Variants in G2E3 observed in about 807,000 individuals in gnomAD.
G2E3 encodes G2/M phase-specific E3 ubiquitin-protein ligase.
G2E3 carries 35 observed loss-of-function variants against 92.8 expected under a neutral mutation model. That is an observed-to-expected ratio of 0.38 (90% CI 0.29 to 0.50). The LOEUF is 0.50. Among genes scored for constraint, G2E3 ranks in the 20% least tolerant of loss-of-function variants. The pLI is 0.94. For missense variants in G2E3, 554 were observed against 823.8 expected, an observed-to-expected ratio of 0.67 and a Z score of 4.01; for synonymous variants, 242 against 272.4, an observed-to-expected ratio of 0.89 and a Z score of 1.10.
intron 1 of G2E3, among the ~76,000 whole-genome samples, chr14:30,562,765 A>G (rs547842881): frequency 1.1e-4 from 17 of 152,124 alleles, no homozygotes; most frequent in Non-Finnish European, 2.1e-4. Context: ...TCCATCCTGT[A>G]CACCTGGCTC....
intron 13 of G2E3, among the ~76,000 whole-genome samples, chr14:30,613,550 G>T (rs920367310): frequency 6.6e-6 from 1 of 152,082 alleles, no homozygotes; most frequent in Non-Finnish European, 1.5e-5. Context: ...AGGAACCTTT[G>T]TTATTTTTAA....
intron 6 of G2E3, 77 bp from the exon 7 acceptor site, chr14:30,597,343 A>C: frequency 1.3e-6 from 1 of 783,966 alleles, no homozygotes. Flanking sequence ...TAAAAATAGC[A>C]CATGTTCTGT....
intron 3 of G2E3, 135 bp downstream of exon 3, chr14:30,586,950 A>G: frequency 2.5e-6 from 1 of 400,634 alleles, no homozygotes; most frequent in Non-Finnish European, 4.5e-6. Context: ...CTAAAAATAG[A>G]CATTTTGTTT....
intron 1 of G2E3, chr14:30,560,614 G>C: frequency 1.8e-6 from 1 of 562,222 alleles, no homozygotes; most frequent in Non-Finnish European, 3.1e-6. Flanking sequence ...TCAACAAATG[G>C]TAATTTTTAA....
At chr14:30,589,248 C>A in intron 3 of G2E3, 135 bp from the exon 4 acceptor site, 1 of 564,246 alleles carries the variant, frequency 1.8e-6, no homozygotes, top group Non-Finnish European at 3.2e-6. Context: ...TGAAAAATAA[C>A]TACTATAGAT....
intron 1 of G2E3, among the ~76,000 whole-genome samples, chr14:30,566,906 G>C (rs1486923179): frequency 1.3e-5 from 2 of 152,054 alleles, no homozygotes; most frequent in Non-Finnish European, 2.9e-5. Context: ...GTTGTATTTT[G>C]TCAAATGCTT....
intron 2 of G2E3, 61 bp downstream of exon 2, chr14:30,581,177 C>T (rs1412071752): frequency 1.1e-6 from 1 of 895,308 alleles, no homozygotes; most frequent in African/African-American, 1.7e-5. Context: ...GTTACTTAAA[C>T]ATTAGGACTG....
chr14:30,583,290 A>G (rs996331026), intron 2 of G2E3, among the ~76,000 whole-genome samples: 16 of 152,222 alleles, frequency 1.1e-4, no homozygotes, highest in African/African-American at 3.1e-4. Context: ...GGTTCTATGT[A>G]TATGTCATAT....
intron 11 of G2E3, 51 bp downstream of exon 11, chr14:30,605,863 AAGAG>A: frequency 4.2e-6 from 4 of 944,738 alleles, no homozygotes; most frequent in Non-Finnish European, 6.3e-6. Context: ...TGTATAGAAA[AAGAG>A]ATAGATAGCT....
chr14:30,615,355 G>T lies in G2E3; in HGVS notation c.1680G>T (p.Lys560Asn). 2 of 1,569,134 alleles carry T rather than the reference G, an allele frequency of 1.3e-6. No homozygotes were observed. Among genetic ancestry groups the T allele is most frequent in the Non-Finnish European group, 1.7e-6 (2 of 1,152,254 alleles). ...QRVHTPFESF[K>N]QGLKTLGVLE... ...TTATTTTTCTTCTCTTAAGTTTTAA[G>T]CAGGGTCTGAAAACCCTTGGTGTTT... Residue 560 changes from lysine to asparagine, a missense_variant, in exon 14 of 15, where the codon AAG (lysine) becomes AAT (asparagine). Physicochemically the swap from Lys to Asn is moderately conservative, Grantham distance 94. Around this residue, in one of 3 missense-constraint regions of G2E3, gnomAD observed 397 missense variants for 560.3 expected, o/e 0.71. Transcript: ENST00000206595.
At position 30,617,514 on chromosome 14, in the gene G2E3, A is replaced by G. The variant is rs2138928245; in HGVS notation, c.*980A>G. ...GATTGGTAGGTTTGGCCATTTGACC[A>G]TTATTTATTATCAAGTTGGTTGTAT... On this transcript the variant is annotated 3_prime_UTR_variant, in exon 15 of 15. Coordinates refer to ENST00000206595, the MANE Select transcript of G2E3 (RefSeq NM_017769.5). 1 of 152,160 alleles carries G rather than the reference A, an allele frequency of 6.6e-6. No individual in the cohort carries two copies. Among genetic ancestry groups the G allele is most frequent in the East Asian group, 1.9e-4 (1 of 5,170 alleles). The allele number at this position is 152,160 out of a possible 1,614,324, so 9.4% of individuals were successfully genotyped here.
At chr14:30,616,219 A>AAT in intron 14 of G2E3, 59 bp from the exon 15 acceptor site, 2 of 1,061,994 alleles carry the variant, frequency 1.9e-6, no homozygotes, top group East Asian at 4.7e-5. Context: ...TGATGATAGC[A>AAT]ATATATAACA....
At chr14:30,585,796 T>G (rs1880683414) in intron 2 of G2E3, among the ~76,000 whole-genome samples, 1 of 152,118 alleles carries the variant, frequency 6.6e-6, no homozygotes, top group African/African-American at 2.4e-5. Context: ...AGGTTATTGA[T>G]TTGGGATTTT....
chr14:30,560,573 C>T (rs1477696624), intron 1 of G2E3: 41 of 525,644 alleles, frequency 7.8e-5, no homozygotes, highest in Non-Finnish European at 1.3e-4. Context: ...CTATACTTCT[C>T]TAAGCCTTTC....
intron 8 of G2E3, among the ~76,000 whole-genome samples, chr14:30,601,470 G>A (rs563003729): frequency 1.3e-5 from 2 of 152,162 alleles, no homozygotes; most frequent in South Asian, 2.1e-4. Context: ...TAAGTAGAAA[G>A]GAAAATTTAT....
chr14:30,581,595 G>A (rs928788850), intron 2 of G2E3, among the ~76,000 whole-genome samples: 2 of 152,110 alleles, frequency 1.3e-5, no homozygotes, highest in Admixed American at 6.5e-5. Context: ...CCAGCTACTC[G>A]CTAGGCCGAG....
chr14:30,614,524 C>T lies in G2E3; in HGVS notation c.1674-825C>T, dbSNP rs944529683. On this transcript the variant is annotated intron_variant, in intron 13 of 14. Coordinates refer to ENST00000206595, the MANE Select transcript of G2E3 (RefSeq NM_017769.5). ...AATGATATTAATCCATTTATGAGGG[C>T]GGAGCCCTTGTGACCTACTCACCTC... Among the ~76,000 whole-genome samples, 13 of 152,286 alleles carry T rather than the reference C, an allele frequency of 8.5e-5. No individual in the cohort carries two copies. The East Asian group carries it at 1.9e-3, about 23-fold the overall frequency.
At chr14:30,586,952 A>G in intron 3 of G2E3, 137 bp downstream of exon 3, 4 of 401,814 alleles carry the variant, frequency 1.0e-5, no homozygotes, top group Non-Finnish European at 1.8e-5. Flanking sequence ...AAAAATAGAC[A>G]TTTTGTTTTT....
chr14:30,613,128 G>A (rs146879016), intron 13 of G2E3, among the ~76,000 whole-genome samples: 22 of 152,118 alleles, frequency 1.4e-4, no homozygotes, highest in African/African-American at 5.3e-4. Flanking sequence ...GACAACTTAT[G>A]TATCTCCTTA....
Sources: gnomAD v4.1 joint callset for allele counts (sites outside exome capture counted in the v4.1 genomes callset) on GRCh38, gnomAD v4.1.1 for gene constraint, gnomAD v4.1.1 regional missense constraint, MANE v1.5 for transcripts, NCBI Gene and HGNC (gene_info 2026-07-23, HGNC 2026-07-21) for gene names.